Variants in NKAIN3 observed in about 807,000 individuals in gnomAD.
The protein encoded by NKAIN3 is sodium/potassium-transporting ATPase subunit beta-1-interacting protein 3.
Under a neutral mutation model 30.2 loss-of-function variants are expected in NKAIN3, and 25 were observed. The observed-to-expected ratio is 0.83, with a 90% CI of 0.60 to 1.16. NKAIN3 has a LOEUF of 1.16. Ranked by LOEUF, NKAIN3 falls within the 50% of genes most tolerant of loss-of-function variation. NKAIN3 has a pLI of 0.00. For synonymous variants in NKAIN3, 91 were observed against 89.6 expected, an observed-to-expected ratio of 1.02 and a Z score of -0.09; for missense variants, 225 against 254.1, an observed-to-expected ratio of 0.89 and a Z score of 0.78.
chr8:62,446,487 T>G (rs1805490215), intron 1 of NKAIN3, among the ~76,000 whole-genome samples: 1 of 152,104 alleles, frequency 6.6e-6, no homozygotes, highest in African/African-American at 2.4e-5. Flanking sequence ...ATTTACAATT[T>G]TAACCATTTT....
At chr8:62,410,837 C>T (rs187538821) in intron 1 of NKAIN3, among the ~76,000 whole-genome samples, 1 of 151,900 alleles carries the variant, frequency 6.6e-6, no homozygotes, top group Non-Finnish European at 1.5e-5. Flanking sequence ...ATGAATAGAC[C>T]AATATCAAGC....
At chr8:62,839,150 TC>T (rs1819455744) in intron 4 of NKAIN3, among the ~76,000 whole-genome samples, 7 of 152,126 alleles carry the variant, frequency 4.6e-5, no homozygotes, top group Non-Finnish European at 7.4e-5. Flanking sequence ...ACTACTTTCC[TC>T]CTTCTAAAGA....
chr8:62,606,324 T>A lies in NKAIN3; in HGVS notation c.273+16530T>A, dbSNP rs112000273. 3.3e-3 allele frequency among the ~76,000 whole-genome samples: 500 copies of A among 152,238 alleles called. 2 individuals carry two copies. The highest frequency in any genetic ancestry group is 0.01 in the African/African-American group (435 of 41,582). ...TCAGGCACAGTTCGGGAAAAAATGCTAGTCTACTAGTGTTCCTTTTGAGGT... is the reference window on the plus strand; with the variant it reads ...TCAGGCACAGTTCGGGAAAAAATGCAAGTCTACTAGTGTTCCTTTTGAGGT... On this transcript the variant is annotated intron_variant, in intron 3 of 6. Transcript: ENST00000623646.
At chr8:62,323,979 G>A (rs1359234924) in intron 1 of NKAIN3, among the ~76,000 whole-genome samples, 1 of 152,020 alleles carries the variant, frequency 6.6e-6, no homozygotes, top group African/African-American at 2.4e-5. Flanking sequence ...AGGGAAGGAC[G>A]AATAGCTGAA....
At chr8:62,829,742 T>TAGATA (rs150752664) in intron 4 of NKAIN3, among the ~76,000 whole-genome samples, 3 of 150,386 alleles carry the variant, frequency 2.0e-5, no homozygotes, top group East Asian at 2.0e-4. Flanking sequence ...GATAGATAGA[T>TAGATA]GATAGATAGA....
chr8:62,634,415 A>G (rs1812063805), intron 3 of NKAIN3, among the ~76,000 whole-genome samples: 1 of 152,002 alleles, frequency 6.6e-6, no homozygotes, highest in Admixed American at 6.6e-5. Context: ...CATTAGGGAG[A>G]TGGATTTGAG....
At chr8:62,436,551 G>T (rs1805180043) in intron 1 of NKAIN3, among the ~76,000 whole-genome samples, 1 of 152,074 alleles carries the variant, frequency 6.6e-6, no homozygotes, top group African/African-American at 2.4e-5. Flanking sequence ...ATTAACTGTG[G>T]ATAGATATCC....
At chr8:62,374,870 C>T (rs1342997193) in intron 1 of NKAIN3, among the ~76,000 whole-genome samples, 1 of 152,128 alleles carries the variant, frequency 6.6e-6, no homozygotes, top group Admixed American at 6.5e-5. Flanking sequence ...TGTTACTGAA[C>T]TTGGGAAAAG....
intron 6 of NKAIN3, among the ~76,000 whole-genome samples, chr8:62,954,962 T>C (rs1304129952): frequency 1.3e-5 from 2 of 152,158 alleles, no homozygotes; most frequent in Admixed American, 1.3e-4. Flanking sequence ...GTTCTGTAAT[T>C]TGATGGCGAT....
chr8:62,296,624 A>T (rs982444059), intron 1 of NKAIN3, among the ~76,000 whole-genome samples: 2 of 152,180 alleles, frequency 1.3e-5, no homozygotes, highest in African/African-American at 4.8e-5. Flanking sequence ...AGTGATTGAA[A>T]CCTTAAATTT....
At chr8:62,318,231 C>T (rs1437111090) in intron 1 of NKAIN3, among the ~76,000 whole-genome samples, 1 of 152,142 alleles carries the variant, frequency 6.6e-6, no homozygotes, top group Non-Finnish European at 1.5e-5. Flanking sequence ...CAAACAGGGA[C>T]AATTTGACTT....
chr8:62,784,226 G>C (rs1817445324), intron 4 of NKAIN3, among the ~76,000 whole-genome samples: 1 of 151,824 alleles, frequency 6.6e-6, no homozygotes, highest in South Asian at 2.1e-4. Flanking sequence ...CAAGTAACTA[G>C]AAGAAGTGCA....
chr8:62,885,041 CTCT>C (rs1433235089), intron 4 of NKAIN3, among the ~76,000 whole-genome samples: 1 of 151,616 alleles, frequency 6.6e-6, no homozygotes, highest in Admixed American at 6.6e-5. Context: ...ATTTAAATTG[CTCT>C]TCTTTTTCTA....
intron 1 of NKAIN3, among the ~76,000 whole-genome samples, chr8:62,428,057 T>G (rs1470157328): frequency 6.6e-6 from 1 of 151,756 alleles, no homozygotes; most frequent in Non-Finnish European, 1.5e-5. Context: ...AGGAGATTAT[T>G]TTTTTTAGCT....
At chr8:62,645,554 T>C (rs1045877044) in intron 3 of NKAIN3, among the ~76,000 whole-genome samples, 7 of 152,166 alleles carry the variant, frequency 4.6e-5, no homozygotes, top group African/African-American at 1.7e-4. Context: ...AAACTACAAC[T>C]TTTAAATCCT....
At chr8:62,431,787 C>T (rs540406731) in intron 1 of NKAIN3, among the ~76,000 whole-genome samples, 3 of 148,458 alleles carry the variant, frequency 2.0e-5, no homozygotes, top group African/African-American at 2.5e-5. Flanking sequence ...GTAACAAGAA[C>T]TGTAAAAGTT....
At chr8:62,623,944 G>C (rs78637057) in intron 3 of NKAIN3, among the ~76,000 whole-genome samples, 14,263 of 152,150 alleles carry the variant, frequency 0.094, 884 homozygotes, top group East Asian at 0.26. Flanking sequence ...TAAACGAAGG[G>C]TGGATTATTC....
At chr8:62,962,658 A>G (rs1823601561) in intron 6 of NKAIN3, among the ~76,000 whole-genome samples, 1 of 152,166 alleles carries the variant, frequency 6.6e-6, no homozygotes, top group Non-Finnish European at 1.5e-5. Flanking sequence ...GACAACCACT[A>G]CTGTCTCCAG....
downstream of NKAIN3, among the ~76,000 whole-genome samples, chr8:62,988,537 G>T (rs985056144): frequency 6.6e-6 from 1 of 152,242 alleles, no homozygotes; most frequent in African/African-American, 2.4e-5. Context: ...AAGGCTTGGG[G>T]CTTGCACCCT....
Sources: gnomAD v4.1 joint callset for allele counts (sites outside exome capture counted in the v4.1 genomes callset) on GRCh38, gnomAD v4.1.1 for gene constraint, MANE v1.5 for transcripts, NCBI Gene and HGNC (gene_info 2026-07-23, HGNC 2026-07-21) for gene names.